Variants in B3GALT1 observed in about 807,000 individuals in gnomAD.
B3GALT1 encodes the protein beta-1,3-galactosyltransferase 1, also known as UDP-Gal:betaGlcNAc beta 1,3-galactosyltransferase, polypeptide 1.
A neutral mutation model predicts 23.2 loss-of-function variants in B3GALT1; 10 were observed. That is an observed-to-expected ratio of 0.43 (90% CI 0.27 to 0.73). B3GALT1 has a LOEUF of 0.73. B3GALT1 is among the 30% of genes least tolerant of loss of function. B3GALT1 has a pLI of 0.21. For missense variants in B3GALT1, 299 were observed against 405.4 expected (o/e 0.74, Z 2.25); for synonymous variants, 156 against 141.5 (o/e 1.10, Z -0.73).
chr2:167,766,939 G>A (rs542233333), intron 3 of B3GALT1, among the ~76,000 whole-genome samples: 1 of 152,256 alleles, frequency 6.6e-6, no homozygotes, highest in South Asian at 2.1e-4. Flanking sequence ...TTCTTTGCCT[G>A]GATCACTTCC....
At chr2:167,622,540 T>C (rs1685276945) in intron 2 of B3GALT1, among the ~76,000 whole-genome samples, 1 of 152,116 alleles carries the variant, frequency 6.6e-6, no homozygotes, top group Admixed American at 6.6e-5. Context: ...GCTTTCAGCA[T>C]TTAAGACATT....
intron 3 of B3GALT1, among the ~76,000 whole-genome samples, chr2:167,652,508 T>C (rs892553233): frequency 6.6e-6 from 1 of 152,232 alleles, no homozygotes; most frequent in Non-Finnish European, 1.5e-5. Context: ...TTCTGAAGTA[T>C]GTGTTCATTC....
intron 1 of B3GALT1, among the ~76,000 whole-genome samples, chr2:167,456,931 C>G (rs1699181543): frequency 6.6e-6 from 1 of 152,120 alleles, no homozygotes; most frequent in African/African-American, 2.4e-5. Context: ...AACTCAAACT[C>G]CACCCCCTCC....
At chr2:167,810,788 T>C (rs1358979113) in intron 3 of B3GALT1, among the ~76,000 whole-genome samples, 3 of 144,202 alleles carry the variant, frequency 2.1e-5, no homozygotes, top group Non-Finnish European at 4.4e-5. Context: ...CTGCACATAC[T>C]GCCCCAAGTT....
At chr2:167,847,677 G>A (rs553015330) in intron 4 of B3GALT1, among the ~76,000 whole-genome samples, 2 of 152,026 alleles carry the variant, frequency 1.3e-5, no homozygotes, top group South Asian at 4.2e-4. Context: ...CACACCTCAA[G>A]GAACTAGAGA....
intron 3 of B3GALT1, among the ~76,000 whole-genome samples, chr2:167,742,948 A>C (rs148965775): frequency 9.8e-4 from 150 of 152,286 alleles, no homozygotes; most frequent in African/African-American, 2.8e-3. Context: ...AAAATGTGTC[A>C]CATGTATATC....
chr2:167,823,551 A>G (rs1689150708), intron 4 of B3GALT1, among the ~76,000 whole-genome samples: 1 of 152,228 alleles, frequency 6.6e-6, no homozygotes, highest in Non-Finnish European at 1.5e-5. Context: ...CTAATTTGGT[A>G]TAGCGAACAA....
intron 1 of B3GALT1, among the ~76,000 whole-genome samples, chr2:167,300,751 C>G (rs1032864632): frequency 1.3e-5 from 2 of 152,088 alleles, no homozygotes; most frequent in Non-Finnish European, 2.9e-5. Flanking sequence ...ACACTGCATT[C>G]TAAAATATCA....
chr2:167,518,797 C>A (rs142018236), intron 2 of B3GALT1, among the ~76,000 whole-genome samples: 67 of 152,296 alleles, frequency 4.4e-4, no homozygotes, highest in African/African-American at 1.5e-3. Context: ...CAACCTTAAA[C>A]TTTATCCTTA....
At chr2:167,822,722 A>C (rs1689134041) in intron 4 of B3GALT1, among the ~76,000 whole-genome samples, 1 of 152,086 alleles carries the variant, frequency 6.6e-6, no homozygotes, top group Admixed American at 6.6e-5. Flanking sequence ...CTTCCTATCA[A>C]GGACTTGCTT....
chr2:167,416,355 T>C (rs895065304), intron 1 of B3GALT1, among the ~76,000 whole-genome samples: 6 of 152,198 alleles, frequency 3.9e-5, no homozygotes, highest in African/African-American at 1.2e-4. Context: ...CTTAAGAAGA[T>C]ACAAGTCGTC....
At chr2:167,355,875 A>G (rs913989574) in intron 1 of B3GALT1, among the ~76,000 whole-genome samples, 3 of 152,320 alleles carry the variant, frequency 2.0e-5, no homozygotes, top group East Asian at 3.9e-4. Context: ...TCTTTCTTCA[A>G]AAAGGATAAT....
intron 2 of B3GALT1, among the ~76,000 whole-genome samples, chr2:167,490,793 G>A (rs1463669463): frequency 6.6e-6 from 1 of 152,152 alleles, no homozygotes; most frequent in Non-Finnish European, 1.5e-5. Context: ...TTTTATGCAT[G>A]TCTATGATTG....
intron 1 of B3GALT1, among the ~76,000 whole-genome samples, chr2:167,462,761 G>A (rs1324595664): frequency 1.3e-5 from 2 of 152,138 alleles, no homozygotes; most frequent in Admixed American, 1.3e-4. Flanking sequence ...TTTCAGTATA[G>A]ATTCTTCTCA....
chr2:167,828,251 C>G (rs930201844), intron 4 of B3GALT1, among the ~76,000 whole-genome samples: 1 of 152,182 alleles, frequency 6.6e-6, no homozygotes, highest in East Asian at 1.9e-4. Context: ...GTCAACAAAT[C>G]CCCTGTCACC....
At chr2:167,361,657 T>C (rs898864512) in intron 1 of B3GALT1, among the ~76,000 whole-genome samples, 2 of 152,240 alleles carry the variant, frequency 1.3e-5, no homozygotes, top group Non-Finnish European at 2.9e-5. Flanking sequence ...CTTAGCATTC[T>C]GGGTGACGGT....
intron 2 of B3GALT1, among the ~76,000 whole-genome samples, chr2:167,549,946 C>T (rs1683715859): frequency 1.3e-5 from 2 of 152,058 alleles, no homozygotes; most frequent in Admixed American, 6.5e-5. Context: ...CCAGACCTAC[C>T]TTGCAATAGG....
intron 3 of B3GALT1, among the ~76,000 whole-genome samples, chr2:167,688,821 A>G (rs1346213019): frequency 6.6e-6 from 1 of 152,128 alleles, no homozygotes; most frequent in Non-Finnish European, 1.5e-5. Flanking sequence ...GCAAAACCCC[A>G]AATAGGATAG....
chr2:167,365,946 A>G (rs1158584257), intron 1 of B3GALT1, among the ~76,000 whole-genome samples: 1 of 152,204 alleles, frequency 6.6e-6, no homozygotes, highest in Non-Finnish European at 1.5e-5. Context: ...TGACTGGCCA[A>G]AGGCTACAGA....
Sources: gnomAD v4.1 joint callset for allele counts (sites outside exome capture counted in the v4.1 genomes callset) on GRCh38, gnomAD v4.1.1 for gene constraint, MANE v1.5 for transcripts, NCBI Gene and HGNC (gene_info 2026-07-23, HGNC 2026-07-21) for gene names.